Variants in TBX20 observed in about 807,000 individuals in gnomAD.
TBX20 encodes T-box transcription factor TBX20.
TBX20 carries 8 observed loss-of-function variants against 42.9 expected under a neutral mutation model. That is an observed-to-expected ratio of 0.19 (90% CI 0.11 to 0.34). The LOEUF (loss-of-function observed/expected upper bound fraction) is 0.34, where lower values mean the gene tolerates loss of function less well. Among genes scored for constraint, TBX20 ranks in the 10% least tolerant of loss-of-function variants. TBX20 has a pLI of 1.00. For missense variants in TBX20, 411 were observed against 566.0 expected, an observed-to-expected ratio of 0.73 and a Z score of 2.78; for synonymous variants, 198 against 222.8, an observed-to-expected ratio of 0.89 and a Z score of 0.99.
chr7:35,217,490 C>T (rs1032085096), intron 6 of TBX20, among the ~76,000 whole-genome samples: 1 of 152,202 alleles, frequency 6.6e-6, no homozygotes, highest in African/African-American at 2.4e-5. Context: ...ATCAGACTCA[C>T]TGGTCCGGCA....
intron 6 of TBX20, among the ~76,000 whole-genome samples, chr7:35,223,704 G>A (rs1789721983): frequency 6.6e-6 from 1 of 152,178 alleles, no homozygotes; most frequent in Non-Finnish European, 1.5e-5. Context: ...TGGTGACTTT[G>A]ACAAGGGTGG....
intron 5 of TBX20, among the ~76,000 whole-genome samples, chr7:35,236,706 G>C (rs1442372018): frequency 2.0e-5 from 3 of 152,098 alleles, no homozygotes; most frequent in Non-Finnish European, 1.5e-5. Flanking sequence ...TATTTTAAAG[G>C]CATATGGCTT....
At chr7:35,237,719 G>A (rs1789993660) in intron 5 of TBX20, among the ~76,000 whole-genome samples, 2 of 152,086 alleles carry the variant, frequency 1.3e-5, no homozygotes, top group Admixed American at 1.3e-4. Context: ...AAATCAAGTA[G>A]AAAAACAAGA....
Position 35,253,839 on chromosome 7 carries a change from C to A in TBX20, c.-219G>T, listed in dbSNP as rs1322629482. 3.4e-6 allele frequency: 2 copies of A among 593,082 alleles called. No individual in the cohort carries two copies. Among genetic ancestry groups the A allele is most frequent in the Admixed American group, 3.2e-5 (1 of 31,168 alleles). 36.7% of individuals were successfully genotyped at this position (593,082 alleles called of 1,614,324 possible). ...AGAGCCGCAGAGACTTCGAAGGCAG[C>A]CGGAGAGGAGAGGGCCCACCGAGCA... On this transcript the variant is annotated 5_prime_UTR_variant, in exon 1 of 8. Coordinates refer to ENST00000408931, the MANE Select transcript of TBX20 (RefSeq NM_001077653.2).
At chr7:35,244,089 C>G (rs767927006) in intron 4 of TBX20, among the ~76,000 whole-genome samples, 2 of 152,024 alleles carry the variant, frequency 1.3e-5, no homozygotes, top group African/African-American at 4.8e-5. Flanking sequence ...TAAATATGTA[C>G]AATTATTATG....
chr7:35,208,017 T>C (rs184389243), intron 6 of TBX20, among the ~76,000 whole-genome samples: 567 of 152,336 alleles, frequency 3.7e-3, no homozygotes, highest in Non-Finnish European at 5.2e-3. Context: ...GATCTACATA[T>C]CAATTTGTGC....
intron 3 of TBX20, among the ~76,000 whole-genome samples, chr7:35,245,349 T>TGTGTGTGTGTGTGTGG (rs1554287409): frequency 6.6e-6 from 1 of 151,400 alleles, no homozygotes; most frequent in African/African-American, 2.4e-5. Flanking sequence ...TGTGTGTGTG[T>TGTGTGTGTGTGTGTGG]TTTCATCTAT....
chr7:35,245,723 A>T (rs1790171411), intron 3 of TBX20, among the ~76,000 whole-genome samples: 2 of 152,224 alleles, frequency 1.3e-5, no homozygotes, highest in African/African-American at 4.8e-5. Context: ...CAAGCTAGAC[A>T]CACTTCACAT....
intron 6 of TBX20, among the ~76,000 whole-genome samples, chr7:35,214,533 C>T (rs552054175): frequency 1.3e-5 from 2 of 152,230 alleles, no homozygotes; most frequent in South Asian, 2.1e-4. Context: ...TGGCATAACA[C>T]GGACCCTAAT....
intron 4 of TBX20, among the ~76,000 whole-genome samples, chr7:35,241,993 A>G (rs1381255384): frequency 6.6e-6 from 1 of 152,106 alleles, no homozygotes; most frequent in African/African-American, 2.4e-5. Flanking sequence ...GAGGGCTCAC[A>G]TTGCATGCCC....
At chr7:35,248,959 T>A in intron 2 of TBX20, 118 bp from the exon 3 acceptor site, 3 of 1,197,788 alleles carry the variant, frequency 2.5e-6, no homozygotes, top group Non-Finnish European at 3.6e-6. Context: ...CCCCTCTCTA[T>A]CCGGTCCACA....
chr7:35,206,421 A>G (rs991088277), intron 6 of TBX20, among the ~76,000 whole-genome samples: 10 of 152,138 alleles, frequency 6.6e-5, no homozygotes, highest in Admixed American at 6.5e-5. Context: ...GGTGGTGGGC[A>G]CCTATAAACC....
intron 6 of TBX20, among the ~76,000 whole-genome samples, chr7:35,220,440 C>G (rs1357290354): frequency 4.6e-5 from 7 of 152,176 alleles, no homozygotes; most frequent in Admixed American, 3.3e-4. Context: ...CAGCACTGCC[C>G]CAGCTGGTTT....
At chr7:35,218,774 G>A (rs1037337812) in intron 6 of TBX20, among the ~76,000 whole-genome samples, 22 of 151,944 alleles carry the variant, frequency 1.4e-4, no homozygotes, top group African/African-American at 4.4e-4. Flanking sequence ...AAAGATTCAC[G>A]TGTTGAAACC....
In TBX20 at chr7:35,250,062, G is replaced by A. The variant is rs1194984357; in HGVS notation, c.269C>T (p.Pro90Leu). The A allele has an allele frequency of 6.2e-7, 1 of 1,613,998 alleles. No homozygotes were observed. Among genetic ancestry groups the A allele is most frequent in the Non-Finnish European group, 8.5e-7 (1 of 1,179,964 alleles). ...GGCCATTTCCTCACTGGGGATGATGGGGGTGGTGGGGATCAGTGGCTCAGT... is the reference window on the plus strand; with the variant it reads ...GGCCATTTCCTCACTGGGGATGATGAGGGTGGTGGGGATCAGTGGCTCAGT... Reference protein sequence around the residue: ...LCTEPLIPTTPIIPSEEMAKI... With the variant: ...LCTEPLIPTTLIIPSEEMAKI... Residue 90 changes from proline to leucine, a missense_variant, in exon 2 of 8, where the codon CCC becomes CTC. Physicochemically the swap from Pro to Leu is moderately conservative, Grantham distance 98. Coordinates refer to ENST00000408931, the MANE Select transcript of TBX20 (RefSeq NM_001077653.2).
At chr7:35,246,384 G>A (rs1426467407) in intron 3 of TBX20, among the ~76,000 whole-genome samples, 1 of 152,024 alleles carries the variant, frequency 6.6e-6, no homozygotes, top group African/African-American at 2.4e-5. Flanking sequence ...AGCTTTATAG[G>A]TGCAATTGTT....
intron 6 of TBX20, among the ~76,000 whole-genome samples, chr7:35,225,979 TGGTACAGCATGTGACAAA>T (rs1487101674): frequency 6.6e-6 from 1 of 152,138 alleles, no homozygotes; most frequent in Non-Finnish European, 1.5e-5. Context: ...CATAAGAATT[TGGTACAGCATGTGACAAA>T]GGGAGAATGA....
chr7:35,214,691 A>G (rs1190572972), intron 6 of TBX20, among the ~76,000 whole-genome samples: 2 of 152,212 alleles, frequency 1.3e-5, no homozygotes, highest in Non-Finnish European at 2.9e-5. Context: ...GTCATTAAGA[A>G]GAAAGTCAAG....
intron 1 of TBX20, among the ~76,000 whole-genome samples, chr7:35,250,597 T>C (rs1790287303): frequency 6.6e-6 from 1 of 152,222 alleles, no homozygotes; most frequent in Non-Finnish European, 1.5e-5. Context: ...TCCTGCCTCT[T>C]TGACAACCAG....
Sources: gnomAD v4.1 joint callset for allele counts (sites outside exome capture counted in the v4.1 genomes callset) on GRCh38, gnomAD v4.1.1 for gene constraint, MANE v1.5 for transcripts, NCBI Gene and HGNC (gene_info 2026-07-23, HGNC 2026-07-21) for gene names.